The following SKIL variants were observed in gnomAD, a reference collection of about 807,000 sequenced individuals.
SKIL encodes ski-like protein.
Under a neutral mutation model 69.6 loss-of-function variants are expected in SKIL, and 20 were observed. The ratio of observed to expected loss-of-function variants is 0.29; its 90% CI spans 0.20 to 0.42. SKIL has a LOEUF of 0.42. SKIL is among the 10% of genes least tolerant of loss of function. The probability of loss-of-function intolerance (pLI) is 1.00; values close to 1 mark genes in which losing one functional copy is unlikely to be tolerated. For missense variants in SKIL, 745 were observed against 783.1 expected (o/e 0.95, Z 0.58); for synonymous variants, 310 against 279.9 (o/e 1.11, Z -1.08).
chr3:170,385,426 C>T (rs1010315257), intron 4 of SKIL, among the ~76,000 whole-genome samples: 2 of 151,808 alleles, frequency 1.3e-5, no homozygotes, highest in Non-Finnish European at 2.9e-5. Context: ...TGAACTGAGA[C>T]ACCATTTAAT....
rs202071902 is a variant in SKIL, at chr3:170,361,027, T to C, written c.696T>C (p.Ala232=). 4 of 1,614,148 alleles carry C rather than the reference T, an allele frequency of 2.5e-6. No homozygotes were observed. Among genetic ancestry groups the C allele is most frequent in the Non-Finnish European group, 3.4e-6 (4 of 1,180,046 alleles). ...TLTDAQRLCN[A]LLRPRTFPQN... ...CTGATGCACAAAGATTATGTAATGC[T>C]TTATTGCGGCCACGAACTTTTCCTC... Residue 232 remains alanine, a synonymous_variant, in exon 2 of 7, where the codon GCT becomes GCC. Coordinates refer to ENST00000259119, the MANE Select transcript of SKIL (RefSeq NM_005414.5).
rs1738089293 is a variant in SKIL, at chr3:170,394,374, A to G, written c.*1957A>G. The G allele has an allele frequency of 6.6e-6, 1 of 152,148 alleles. No homozygotes were observed. The highest frequency in any genetic ancestry group is 1.5e-5 in the Non-Finnish European group (1 of 68,030). The allele number at this position is 152,148 out of a possible 1,614,324, so 9.4% of individuals were successfully genotyped here. A position where few individuals can be genotyped will look rare whatever the true frequency, so the allele number is the denominator to read the frequency against. On this transcript the variant is annotated 3_prime_UTR_variant, in exon 7 of 7. Transcript: ENST00000259119. ...CTGGAGAAGGAAAAATCAGATATTT[A>G]TGATATAGTTTTATTTTAATTTTGA...
chr3:170,360,852 TTC>T lies in SKIL; in HGVS notation c.524_525del (p.Leu175ProfsTer13), dbSNP rs1455462119. The T allele has an allele frequency of 6.2e-7, 1 of 1,614,172 alleles. No homozygotes were observed. Among genetic ancestry groups the T allele is most frequent in the Admixed American group, 1.7e-5 (1 of 60,022 alleles). On this transcript the variant is annotated frameshift_variant, in exon 2 of 7. Transcript: ENST00000259119. LOFTEE classifies it high-confidence loss of function. The stretch of plus-strand genomic sequence containing the variant: ...TGTTTGCCCCAAGTCTTAAATTCTG[TTC>T]TCCGAGAATTTACACTCCAGCAAAT...
At chr3:170,378,877 AT>A (rs1737184418) in intron 2 of SKIL, among the ~76,000 whole-genome samples, 1 of 141,038 alleles carries the variant, frequency 7.1e-6, no homozygotes, top group South Asian at 2.1e-4. Context: ...TTATTTATTT[AT>A]TTATTTTTTT....
intron 2 of SKIL, among the ~76,000 whole-genome samples, chr3:170,369,668 C>T (rs570025989): frequency 6.6e-6 from 1 of 152,004 alleles, no homozygotes; most frequent in Non-Finnish European, 1.5e-5. Flanking sequence ...TCCCAAAGTG[C>T]TGGGATTACA....
chr3:170,366,672 AAC>A lies in SKIL; in HGVS notation c.1098+5265_1098+5266del, dbSNP rs778933453. 8.4e-3 allele frequency among the ~76,000 whole-genome samples: 940 copies of A among 112,424 alleles called. 6 individuals are homozygous for A. The highest frequency in any genetic ancestry group is 0.03 in the African/African-American group (881 of 29,826). The allele number at this position is 112,424 out of a possible 152,430, so 73.8% of individuals were successfully genotyped here. A position where few individuals can be genotyped will look rare whatever the true frequency, so the allele number is the denominator to read the frequency against. ...GTGACAGAGTGAAACTCTGTCTCAA[AAC>A]ACACACACACACACACACACAGACA... is the stretch of plus-strand genomic sequence containing the variant. On this transcript the variant is annotated intron_variant, in intron 2 of 6. Coordinates refer to ENST00000259119, the MANE Select transcript of SKIL (RefSeq NM_005414.5).
At chr3:170,381,078 CT>C (rs1288168412) in intron 2 of SKIL, among the ~76,000 whole-genome samples, 165 bp from the exon 3 acceptor site, 1 of 151,540 alleles carries the variant, frequency 6.6e-6, no homozygotes, top group African/African-American at 2.4e-5. Context: ...CTTCCCCACT[CT>C]GCCTCCCAAA....
At chr3:170,377,132 A>G (rs1423942279) in intron 2 of SKIL, among the ~76,000 whole-genome samples, 2 of 152,184 alleles carry the variant, frequency 1.3e-5, no homozygotes, top group South Asian at 2.1e-4. Flanking sequence ...TAACTAAGCT[A>G]TAGGCTGAGG....
intron 2 of SKIL, among the ~76,000 whole-genome samples, chr3:170,365,523 C>G (rs1736457683): frequency 6.6e-6 from 1 of 152,082 alleles, no homozygotes; most frequent in Admixed American, 6.6e-5. Context: ...ATCAGAAATT[C>G]AAAATACTTT....
chr3:170,368,177 C>G (rs1305705985), intron 2 of SKIL, among the ~76,000 whole-genome samples: 1 of 152,114 alleles, frequency 6.6e-6, no homozygotes, highest in Non-Finnish European at 1.5e-5. Flanking sequence ...TGGTGATTTG[C>G]TACCCCAGTG....
At chr3:170,383,140 TG>T (rs1202443141) in intron 3 of SKIL, among the ~76,000 whole-genome samples, 2 of 152,224 alleles carry the variant, frequency 1.3e-5, no homozygotes, top group Non-Finnish European at 2.9e-5. Context: ...GTAAGTTTTT[TG>T]TTGTTGAGCC....
intron 3 of SKIL, among the ~76,000 whole-genome samples, chr3:170,383,052 T>C (rs1047185151): frequency 7.2e-5 from 11 of 152,182 alleles, no homozygotes; most frequent in African/African-American, 2.2e-4. Context: ...GAAATTCTTT[T>C]GAAACTAAGA....
intron 1 of SKIL, among the ~76,000 whole-genome samples, chr3:170,358,106 C>G (rs1049840741): frequency 5.9e-5 from 9 of 152,180 alleles, no homozygotes; most frequent in Non-Finnish European, 1.0e-4. Context: ...CAGCAGCGCT[C>G]CGCGGGGATG....
intron 2 of SKIL, among the ~76,000 whole-genome samples, chr3:170,362,372 G>A (rs1359150723): frequency 2.6e-5 from 4 of 151,766 alleles, no homozygotes; most frequent in Non-Finnish European, 5.9e-5. Context: ...ATGTGGTGTC[G>A]CACACTTGTA....
At chr3:170,366,688 C>CACACAG (rs369728007) in intron 2 of SKIL, among the ~76,000 whole-genome samples, 2,828 of 140,498 alleles carry the variant, frequency 0.02, 73 homozygotes, top group African/African-American at 0.067. Flanking sequence ...CACACACACA[C>CACACAG]ACACACAGAC....
At chr3:170,391,325 T>TC (rs1737906566) in intron 6 of SKIL, 65 bp downstream of exon 6, 2 of 259,086 alleles carry the variant, frequency 7.7e-6, no homozygotes, top group East Asian at 1.1e-4. Context: ...TACTTCTCTC[T>TC]TTTTTTTTTT....
intron 6 of SKIL, 50 bp from the exon 7 acceptor site, chr3:170,392,209 A>G: frequency 6.9e-7 from 1 of 1,455,504 alleles, no homozygotes; most frequent in Non-Finnish European, 9.3e-7. Flanking sequence ...ATGAGGATTA[A>G]ATGGAAAAAC....
intron 2 of SKIL, among the ~76,000 whole-genome samples, chr3:170,364,411 C>A (rs1471170635): frequency 6.7e-6 from 1 of 149,222 alleles, no homozygotes; most frequent in African/African-American, 2.5e-5. Flanking sequence ...GCAATCTCCA[C>A]CTCCCAGATT....
At chr3:170,380,191 T>C (rs1737260422) in intron 2 of SKIL, among the ~76,000 whole-genome samples, 1 of 149,230 alleles carries the variant, frequency 6.7e-6, no homozygotes, top group East Asian at 1.9e-4. Flanking sequence ...TAGCAAACTA[T>C]GTGGTTTTGG....
Sources: allele counts gnomAD v4.1 joint callset (sites outside exome capture counted in the v4.1 genomes callset), GRCh38; gene constraint gnomAD v4.1.1; transcripts MANE v1.5; gene names NCBI Gene and HGNC (gene_info 2026-07-23, HGNC 2026-07-21).